ATL2: variants seen among roughly 807,000 people sequenced by gnomAD.
ATL2 encodes atlastin GTPase 2.
Under a neutral mutation model 73.9 loss-of-function variants are expected in ATL2, and 31 were observed. The observed-to-expected ratio is 0.42, with a 90% CI of 0.32 to 0.57. ATL2 has a LOEUF of 0.57. Ranked by LOEUF, ATL2 falls within the 20% of genes least tolerant of loss-of-function variation. The pLI is 0.14. For synonymous variants in ATL2, 291 were observed against 237.5 expected, an observed-to-expected ratio of 1.23 and a Z score of -2.07; for missense variants, 738 against 702.6, an observed-to-expected ratio of 1.05 and a Z score of -0.57.
chr2:38,304,696 G>C (rs559356930), intron 9 of ATL2, among the ~76,000 whole-genome samples: 2 of 152,234 alleles, frequency 1.3e-5, no homozygotes, highest in African/African-American at 2.4e-5. Context: ...CTCTTTCCTT[G>C]TTATTTAGTT....
At position 38,343,373 on chromosome 2, in the gene ATL2, C is replaced by A. The variant is rs773091165; in HGVS notation, c.258G>T (p.Gln86His). The change falls in exon 2 of 13, where the codon CAG (glutamine) becomes CAT (histidine). Residue 86 changes from glutamine to histidine, a missense_variant. Gln to His is a conservative substitution (Grantham distance 24). Coordinates refer to ENST00000378954, the MANE Select transcript of ATL2 (RefSeq NM_001135673.4). ...DEEALEQILL[Q>H]EHIRDLNIVV... The stretch of plus-strand genomic sequence containing the variant: ...CTATGTTAAGATCTCGTATGTGCTC[C>A]TGTAGCAATATCTGCTCCAAAGCTT... 6.2e-7 allele frequency: 1 copy of A among 1,611,638 alleles called. No individual in the cohort carries two copies. Among genetic ancestry groups the A allele is most frequent in the Non-Finnish European group, 8.5e-7 (1 of 1,179,560 alleles).
At chr2:38,377,759 C>T (rs73931220), upstream of ATL2, among the ~76,000 whole-genome samples, 3,777 of 151,184 alleles carry the variant, frequency 0.025, 155 homozygotes, top group African/African-American at 0.088. Context: ...ACAGCCATTC[C>T]CCTCCTCTCT....
chr2:38,338,388 C>T (rs1669498243), intron 2 of ATL2, among the ~76,000 whole-genome samples: 1 of 152,066 alleles, frequency 6.6e-6, no homozygotes, highest in Non-Finnish European at 1.5e-5. Flanking sequence ...CAATTGTACC[C>T]CAAACATCAG....
intron 1 of ATL2, among the ~76,000 whole-genome samples, chr2:38,362,874 G>A (rs1442760497): frequency 6.6e-6 from 1 of 152,188 alleles, no homozygotes; most frequent in African/African-American, 2.4e-5. Context: ...AGTAGTCACA[G>A]ATAACTTCTC....
chr2:38,332,129 T>A (rs978344396), intron 2 of ATL2, among the ~76,000 whole-genome samples: 6 of 152,160 alleles, frequency 3.9e-5, no homozygotes, highest in African/African-American at 1.4e-4. Flanking sequence ...GATTAGCGGT[T>A]CCTTCAGGTT....
chr2:38,376,787 C>T (rs1246899258), intron 1 of ATL2, among the ~76,000 whole-genome samples: 1 of 151,780 alleles, frequency 6.6e-6, no homozygotes, highest in Non-Finnish European at 1.5e-5. Context: ...AGCCGACCTC[C>T]CCGCGCCCCG....
chr2:38,355,004 C>T (rs560093571), intron 1 of ATL2, among the ~76,000 whole-genome samples: 6 of 152,272 alleles, frequency 3.9e-5, no homozygotes, highest in South Asian at 4.2e-4. Flanking sequence ...ATGAAAAACA[C>T]GCAAGATGGC....
intron 10 of ATL2, among the ~76,000 whole-genome samples, 153 bp downstream of exon 10, chr2:38,300,119 C>T (rs1199996007): frequency 6.6e-6 from 1 of 152,052 alleles, no homozygotes; most frequent in East Asian, 1.9e-4. Flanking sequence ...TTGTATGAAA[C>T]CTTAGGACCC....
At chr2:38,318,311 T>C (rs374300022) in intron 4 of ATL2, 5 of 351,978 alleles carry the variant, frequency 1.4e-5, no homozygotes, top group Admixed American at 4.4e-5. Context: ...AACCCGTCTC[T>C]ACTAAAAATA....
At chr2:38,304,399 G>C (rs534642256) in intron 9 of ATL2, among the ~76,000 whole-genome samples, 2 of 152,284 alleles carry the variant, frequency 1.3e-5, no homozygotes, top group South Asian at 4.1e-4. Flanking sequence ...GTTAAAGAGA[G>C]TTCTTCAATC....
chr2:38,327,396 A>C (rs1314994266), intron 2 of ATL2, among the ~76,000 whole-genome samples: 1 of 152,148 alleles, frequency 6.6e-6, no homozygotes, highest in African/African-American at 2.4e-5. Flanking sequence ...GCTTAGTTGT[A>C]AATGTACATT....
chr2:38,343,784 G>C (rs913223405), intron 1 of ATL2, among the ~76,000 whole-genome samples: 1 of 152,140 alleles, frequency 6.6e-6, no homozygotes, highest in African/African-American at 2.4e-5. Flanking sequence ...GAAGGACCCA[G>C]TGGGAGGTAA....
At chr2:38,370,481 A>AT (rs1671619954) in intron 1 of ATL2, among the ~76,000 whole-genome samples, 3 of 127,896 alleles carry the variant, frequency 2.3e-5, no homozygotes, top group Admixed American at 8.0e-5. Flanking sequence ...AAAAAAAAAA[A>AT]ATCAACCCAG....
chr2:38,317,156 A>G (rs1259913194), intron 4 of ATL2, among the ~76,000 whole-genome samples: 2 of 152,096 alleles, frequency 1.3e-5, no homozygotes, highest in Admixed American at 6.5e-5. Flanking sequence ...TGGAAAGCAT[A>G]AAAAAATCCA....
chr2:38,310,230 A>C, intron 8 of ATL2, 79 bp downstream of exon 8: 1 of 1,476,570 alleles, frequency 6.8e-7, no homozygotes, highest in Non-Finnish European at 9.3e-7. Context: ...CAGGACATTT[A>C]AGGCGTCATG....
chr2:38,338,332 G>T (rs1406256788), intron 2 of ATL2, among the ~76,000 whole-genome samples: 1 of 116,484 alleles, frequency 8.6e-6, no homozygotes, highest in African/African-American at 5.4e-5. Context: ...GAGGGCAAGG[G>T]TTGAAAAACT....
Position 38,294,306 on chromosome 2 carries a change from T to C in ATL2, c.*1688A>G, listed in dbSNP as rs1459088148. Among the ~76,000 whole-genome samples, 3 of 152,202 alleles carry C rather than the reference T, an allele frequency of 2.0e-5. No individual in the cohort carries two copies. Among genetic ancestry groups the C allele is most frequent in the Admixed American group, 1.3e-4 (2 of 15,278 alleles). On this transcript the variant is annotated 3_prime_UTR_variant, in exon 13 of 13. Coordinates refer to ENST00000378954, the MANE Select transcript of ATL2 (RefSeq NM_001135673.4). ...GCTCACGCCTGTAATCCCAACACTT[T>C]GGGAGGCCAAGGCAGGCGGATCACA...
intron 1 of ATL2, among the ~76,000 whole-genome samples, chr2:38,349,694 GAA>G (rs373723983): frequency 2.0e-5 from 3 of 146,884 alleles, no homozygotes; most frequent in African/African-American, 7.4e-5. Context: ...AATAAAATAG[GAA>G]AAAAAAAACC....
intron 10 of ATL2, 28 bp from the exon 11 acceptor site, chr2:38,299,355 G>A (rs1219305467): frequency 1.3e-6 from 2 of 1,515,638 alleles, no homozygotes; most frequent in South Asian, 1.3e-5. Context: ...CCATTATTAT[G>A]CAAAAAATAC....
Sources: gnomAD v4.1 joint callset for allele counts (sites outside exome capture counted in the v4.1 genomes callset) on GRCh38, gnomAD v4.1.1 for gene constraint, MANE v1.5 for transcripts, NCBI Gene and HGNC (gene_info 2026-07-23, HGNC 2026-07-21) for gene names.